U2AF2: variants seen among roughly 807,000 people sequenced by gnomAD.
U2AF2 encodes the protein U2 small nuclear RNA auxiliary factor 2, also known as splicing factor U2AF 65 kDa subunit.
U2AF2 carries 6 observed loss-of-function variants against 52.6 expected under a neutral mutation model. That is an observed-to-expected ratio of 0.11 (90% CI 0.06 to 0.23). The LOEUF is 0.23. U2AF2 is among the 10% of genes least tolerant of loss of function. The pLI, the probability that U2AF2 is intolerant of heterozygous loss-of-function variation, is 1.00. For missense variants in U2AF2, 222 were observed against 677.1 expected (o/e 0.33, Z 7.46); for synonymous variants, 284 against 258.2 (o/e 1.10, Z -0.96).
At chr19:55,663,466 T>C in intron 6 of U2AF2, 140 bp from the exon 7 acceptor site, 1 of 1,322,816 alleles carries the variant, frequency 7.6e-7, no homozygotes, top group South Asian at 1.5e-5. Context: ...TCTGTTGTAC[T>C]CCCAGTGCCC....
chr19:55,660,826 C>T (rs992876417), intron 4 of U2AF2, among the ~76,000 whole-genome samples: 7 of 152,064 alleles, frequency 4.6e-5, no homozygotes, highest in African/African-American at 7.2e-5. Context: ...GGGAATGAGG[C>T]CTCCATCTGG....
intron 10 of U2AF2, 54 bp downstream of exon 10, chr19:55,669,235 G>A: frequency 6.3e-7 from 1 of 1,598,140 alleles, no homozygotes; most frequent in Non-Finnish European, 8.5e-7. Context: ...GGGCTGGCTA[G>A]TAGGGGACAA....
intron 5 of U2AF2, 92 bp downstream of exon 5, chr19:55,661,281 C>T (rs951574338): frequency 3.8e-6 from 5 of 1,309,008 alleles, no homozygotes; most frequent in Non-Finnish European, 5.0e-6. Flanking sequence ...CTGCACGGGT[C>T]AGACTCTGCT....
At chr19:55,665,793 C>T (rs1984512121) in intron 7 of U2AF2, among the ~76,000 whole-genome samples, 2 of 152,188 alleles carry the variant, frequency 1.3e-5, no homozygotes, top group Admixed American at 6.5e-5. Flanking sequence ...GGATTACAGG[C>T]ATGTGCCACC....
Position 55,662,642 on chromosome 19 carries a change from TCCAGGAAACGTGTGTGATGTGAGGG to T in U2AF2, c.603+27_603+51del, listed in dbSNP as rs780740339. The T allele has an allele frequency of 2.5e-6, 4 of 1,599,310 alleles. No individual in the cohort carries two copies. The Admixed American group carries it at 6.7e-5, about 27-fold the overall frequency. The stretch of plus-strand genomic sequence containing the variant: ...AGGTGAGCTGGGGGAGTGAGTGAGG[TCCAGGAAACGTGTGTGATGTGAGGG>T]CCCAGCCCTTAGGCTGATGTTGTGT... On this transcript the variant is annotated intron_variant, in intron 6 of 11. Transcript: ENST00000308924.
intron 2 of U2AF2, 37 bp from the exon 3 acceptor site, chr19:55,660,140 G>T (rs373966614): frequency 1.3e-6 from 2 of 1,586,818 alleles, no homozygotes; most frequent in Admixed American, 1.8e-5. Flanking sequence ...AGGGTCCCCA[G>T]TCACCCCTCC....
chr19:55,664,048 G>T (rs310442), intron 7 of U2AF2: 292,675 of 307,238 alleles, frequency 0.95, 139,886 homozygotes, highest in East Asian at 1. Context: ...TCGTGCCTGC[G>T]TTGCGGCTGT....
intron 1 of U2AF2, 123 bp downstream of exon 1, chr19:55,655,276 T>G (rs1983704624): frequency 2.9e-5 from 30 of 1,025,288 alleles, no homozygotes; most frequent in Middle Eastern, 3.0e-4. Flanking sequence ...CCAACCCTGG[T>G]TCCGTGGCGC....
chr19:55,669,366 T>C (rs681804), intron 10 of U2AF2, 78 bp from the exon 11 acceptor site: 1,381,592 of 1,541,562 alleles, frequency 0.9, 622,663 homozygotes, highest in Admixed American at 0.93. Flanking sequence ...TGGGGGGGCA[T>C]GTGAGGGGCC....
At chr19:55,655,176 G>A in intron 1 of U2AF2, 23 bp downstream of exon 1, 1 of 1,599,272 alleles carries the variant, frequency 6.3e-7, no homozygotes, top group Non-Finnish European at 8.5e-7. Context: ...GGGTCGCGGG[G>A]CGGAGGTGTG....
chr19:55,669,834 CGCGT>C (rs1241703762), intron 11 of U2AF2, 142 bp downstream of exon 11: 12 of 1,312,674 alleles, frequency 9.1e-6, no homozygotes, highest in Non-Finnish European at 1.2e-5. Flanking sequence ...CCTCTCGCAG[CGCGT>C]GCGTATAGGT....
chr19:55,659,026 C>T (rs1983979824), intron 1 of U2AF2, 184 bp from the exon 2 acceptor site: 1 of 930,090 alleles, frequency 1.1e-6, no homozygotes, highest in Non-Finnish European at 1.4e-6. Flanking sequence ...TCCCCCTGGT[C>T]CCCTCATGGT....
intron 11 of U2AF2, 74 bp downstream of exon 11, chr19:55,669,766 T>A: frequency 6.7e-7 from 1 of 1,484,620 alleles, no homozygotes. Context: ...TCTTCCTCTC[T>A]TGCTCCCTCA....
At chr19:55,663,179 C>T (rs779024732) in intron 6 of U2AF2, among the ~76,000 whole-genome samples, 13 of 152,092 alleles carry the variant, frequency 8.5e-5, no homozygotes, top group Admixed American at 1.3e-4. Flanking sequence ...CTGAGCACTC[C>T]CTCTCACTCT....
intron 2 of U2AF2, 84 bp from the exon 3 acceptor site, chr19:55,660,093 C>G: frequency 1.5e-6 from 2 of 1,377,192 alleles, no homozygotes; most frequent in South Asian, 1.3e-5. Flanking sequence ...CCCTGGGGCT[C>G]AGTGCCCTTG....
chr19:55,669,773 C>T, intron 11 of U2AF2, 81 bp downstream of exon 11: 1 of 1,471,818 alleles, frequency 6.8e-7, no homozygotes, highest in Non-Finnish European at 9.0e-7. Flanking sequence ...CTCTTGCTCC[C>T]TCACCCTCTC....
intron 1 of U2AF2, among the ~76,000 whole-genome samples, chr19:55,655,623 T>TC (rs1555783908): frequency 6.6e-6 from 1 of 152,144 alleles, no homozygotes; most frequent in Non-Finnish European, 1.5e-5. Flanking sequence ...GAGAACTTGG[T>TC]GGGGGGGCCC....
chr19:55,655,538 G>C (rs998008249), intron 1 of U2AF2, among the ~76,000 whole-genome samples: 3 of 152,264 alleles, frequency 2.0e-5, no homozygotes, highest in Admixed American at 1.3e-4. Context: ...TTCTCCCGCT[G>C]CCTTGGCACT....
chr19:55,669,286 T>TG, intron 10 of U2AF2, 105 bp downstream of exon 10: 1 of 1,555,148 alleles, frequency 6.4e-7, no homozygotes. Flanking sequence ...GGAAGGCATT[T>TG]GGGGGGCATT....
Sources: allele counts gnomAD v4.1 joint callset (sites outside exome capture counted in the v4.1 genomes callset), GRCh38; gene constraint gnomAD v4.1.1; transcripts MANE v1.5; gene names NCBI Gene and HGNC (gene_info 2026-07-23, HGNC 2026-07-21).